The following GRIN3A variants were observed in gnomAD, a reference collection of about 807,000 sequenced individuals.
The protein encoded by GRIN3A is glutamate ionotropic receptor NMDA type subunit 3A.
In GRIN3A, 47 loss-of-function variants were observed where a neutral mutation model predicts 92.4. The ratio of observed to expected loss-of-function variants is 0.51; its 90% CI spans 0.40 to 0.65. The LOEUF (loss-of-function observed/expected upper bound fraction) is 0.65. Among genes scored for constraint, GRIN3A ranks in the 30% least tolerant of loss-of-function variants. The probability of loss-of-function intolerance (pLI) is 0.00; values close to 1 mark genes in which losing one functional copy is unlikely to be tolerated. For missense variants in GRIN3A, 1,324 were observed against 1,393.1 expected, an observed-to-expected ratio of 0.95 and a Z score of 0.79; for synonymous variants, 527 against 540.6, an observed-to-expected ratio of 0.97 and a Z score of 0.35.
At position 101,670,644 on chromosome 9, in the gene GRIN3A, C is replaced by T. The variant is rs1159729481; in HGVS notation, c.1768G>A (p.Asp590Asn). 6.2e-7 allele frequency: 1 copy of T among 1,613,992 alleles called. No individual in the cohort carries two copies. Among genetic ancestry groups the T allele is most frequent in the Non-Finnish European group, 8.5e-7 (1 of 1,179,922 alleles). The change falls in exon 3 of 9, where the codon GAC (aspartate) becomes AAC (asparagine). Residue 590 changes from aspartate (D) to asparagine (N), a missense_variant. By Grantham distance (23) the Asp-to-Asn change is conservative. Coordinates refer to ENST00000361820, the MANE Select transcript of GRIN3A (RefSeq NM_133445.3). The part of the protein sequence containing the change: ...CIDLLEKIAE[D>N]MNFDFDLYIV... ...TAGAGGTCGAAGTCAAAGTTCATGT[C>T]TTCTGCTATCTTTTCCAGCAGATCA... is the stretch of plus-strand genomic sequence containing the variant.
At chr9:101,614,632 T>C (rs1394110607) in intron 5 of GRIN3A, among the ~76,000 whole-genome samples, 1 of 143,092 alleles carries the variant, frequency 7.0e-6, no homozygotes, top group East Asian at 2.0e-4. Context: ...TTTTTTTTTT[T>C]TTTTGGAGAC....
intron 3 of GRIN3A, among the ~76,000 whole-genome samples, chr9:101,632,571 C>T (rs1828729564): frequency 6.6e-6 from 1 of 152,108 alleles, no homozygotes; most frequent in African/African-American, 2.4e-5. Context: ...TATCACACCT[C>T]CTGCTGTCTT....
chr9:101,571,248 A>G lies in GRIN3A; in HGVS notation c.*1926T>C, dbSNP rs1827754963. ...ACCTCTAACTTTAGAGCCCTCCCACATCCATATCAGTATCTCTGAGCCTCC... is the reference window on the plus strand; with the variant it reads ...ACCTCTAACTTTAGAGCCCTCCCACGTCCATATCAGTATCTCTGAGCCTCC... On this transcript the variant is annotated 3_prime_UTR_variant, in exon 9 of 9. Transcript: ENST00000361820. 2 of 152,280 alleles carry G rather than the reference A, an allele frequency of 1.3e-5. No individual in the cohort carries two copies. The highest frequency in any genetic ancestry group is 4.1e-4 in the South Asian group (2 of 4,822). 9.4% of individuals were successfully genotyped at this position (152,280 alleles called of 1,614,324 possible). A position where few individuals can be genotyped will look rare whatever the true frequency, so the allele number is the denominator to read the frequency against.
chr9:101,655,357 T>C (rs1829071437), intron 3 of GRIN3A, among the ~76,000 whole-genome samples: 1 of 151,976 alleles, frequency 6.6e-6, no homozygotes. Context: ...ACCTGCAAGA[T>C]ATTCAGCTCC....
chr9:101,631,454 A>T (rs999203749), intron 3 of GRIN3A, among the ~76,000 whole-genome samples: 1 of 152,182 alleles, frequency 6.6e-6, no homozygotes, highest in Non-Finnish European at 1.5e-5. Flanking sequence ...CATTCTTTAC[A>T]TTATGTTGTG....
chr9:101,574,897 A>T (rs1208023480), intron 8 of GRIN3A, among the ~76,000 whole-genome samples: 2 of 152,196 alleles, frequency 1.3e-5, no homozygotes, highest in African/African-American at 4.8e-5. Flanking sequence ...CAGGCTTCCC[A>T]GTTGACTAGC....
Position 101,577,749 on chromosome 9 carries a change from G to A in GRIN3A, c.3008+19C>T, listed in dbSNP as rs185562974. 1.3e-6 allele frequency: 2 copies of A among 1,551,390 alleles called. No homozygotes were observed. Among genetic ancestry groups the A allele is most frequent in the East Asian group, 2.2e-5 (1 of 44,516 alleles). On this transcript the variant is annotated intron_variant, in intron 8 of 8. Coordinates refer to ENST00000361820, the MANE Select transcript of GRIN3A (RefSeq NM_133445.3). ...TTATTTTACAAATATAAAGACAGTT[G>A]CCATTGGCCCCTTCTTACCTCTTTT...
Position 101,701,904 on chromosome 9 carries a change from C to T in GRIN3A, c.700-14704G>A, listed in dbSNP as rs974011341. On this transcript the variant is annotated intron_variant, in intron 1 of 8. Transcript: ENST00000361820. ...CTCTCTCTATCCTGAGATCTCCCAC[C>T]AGCTTACAGATATTCTTAGTATCAT... Among the ~76,000 whole-genome samples, 4 of 152,188 alleles carry T rather than the reference C, an allele frequency of 2.6e-5. 1 individual carries two copies. In the South Asian group the frequency reaches 8.3e-4, roughly 32 times the overall value.
chr9:101,606,906 A>ATT (rs536780165), intron 6 of GRIN3A, among the ~76,000 whole-genome samples: 2,038 of 86,158 alleles, frequency 0.024, 75 homozygotes, highest in African/African-American at 0.071. Flanking sequence ...AAAAAATTAC[A>ATT]TTTTTTTTTT....
intron 1 of GRIN3A, among the ~76,000 whole-genome samples, chr9:101,708,192 G>A (rs1440293895): frequency 2.0e-5 from 3 of 152,096 alleles, no homozygotes; most frequent in African/African-American, 7.2e-5. Context: ...GTGAATGAAC[G>A]CTAATAGTAG....
In GRIN3A at chr9:101,687,181, A is replaced by G. The variant is rs1829550211; in HGVS notation, c.719T>C (p.Leu240Pro). The G allele has an allele frequency of 6.2e-7, 1 of 1,613,762 alleles. No homozygotes were observed. The highest frequency in any genetic ancestry group is 1.3e-5 in the African/African-American group (1 of 74,940). The change falls in exon 2 of 9, where the codon CTG becomes CCG. Residue 240 changes from leucine (L) to proline (P), a missense_variant. By Grantham distance (98) the Leu-to-Pro change is moderately conservative. Transcript: ENST00000361820. ...RESQNPLHLQ[L>P]SLENSLSSDA... is the part of the protein sequence containing the mutation. Reference sequence around the variant, plus strand: ...AGAACTTAATGAATTTTCTAAACTCAGTTGTAGGTGAAGGGGATTCTGTAT... The same window carrying G: ...AGAACTTAATGAATTTTCTAAACTCGGTTGTAGGTGAAGGGGATTCTGTAT...
rs539112919 is a variant in GRIN3A, at chr9:101,572,315, A to G, written c.*859T>C. 2.6e-5 allele frequency: 4 copies of G among 152,802 alleles called. No individual in the cohort carries two copies. The South Asian group carries it at 8.3e-4, about 32-fold the overall frequency. 9.5% of individuals were successfully genotyped at this position (152,802 alleles called of 1,614,324 possible). A position where few individuals can be genotyped will look rare whatever the true frequency, so the allele number is the denominator to read the frequency against. The stretch of plus-strand genomic sequence containing the variant: ...ATTCCAGGTCCAACCTAAGGCCACA[A>G]CCTTGCTTTGCCTTTTTCTCTCTTT... On this transcript the variant is annotated 3_prime_UTR_variant, in exon 9 of 9. Transcript: ENST00000361820.
Position 101,670,483 on chromosome 9 carries a change from A to G in GRIN3A, c.1929T>C (p.Asp643=). The change falls in exon 3 of 9, where the codon GAT becomes GAC. Residue 643 remains aspartate (D), a synonymous_variant. Transcript: ENST00000361820. ...TGGTGGAGAAGAAAGGGCTGGTGAAATCTATCACCTGGCTCCGTGCAGTAT... is the reference window on the plus strand; with the variant it reads ...TGGTGGAGAAGAAAGGGCTGGTGAAGTCTATCACCTGGCTCCGTGCAGTAT... The part of the protein sequence containing the change: ...SINTARSQVI[D]FTSPFFSTSL... 1 of 1,613,956 alleles carries G rather than the reference A, an allele frequency of 6.2e-7. No homozygotes were observed. Among genetic ancestry groups the G allele is most frequent in the South Asian group, 1.1e-5 (1 of 91,080 alleles).
At chr9:101,624,790 G>T (rs922977694) in intron 4 of GRIN3A, among the ~76,000 whole-genome samples, 2 of 152,156 alleles carry the variant, frequency 1.3e-5, no homozygotes, top group Non-Finnish European at 2.9e-5. Flanking sequence ...GATCCCTGAG[G>T]AATGGCCACA....
At position 101,659,472 on chromosome 9, in the gene GRIN3A, AAAGTAT is replaced by A. The variant is rs1829141245; in HGVS notation, c.2352+10582_2352+10587del. 5.6e-5 allele frequency among the ~76,000 whole-genome samples: 2 copies of A among 35,756 alleles called. 1 individual carries two copies. Among genetic ancestry groups the A allele is most frequent in the Admixed American group, 6.4e-4 (2 of 3,104 alleles). 23.5% of individuals were successfully genotyped at this position (35,756 alleles called of 152,430 possible). A position where few individuals can be genotyped will look rare whatever the true frequency, so the allele number is the denominator to read the frequency against. On this transcript the variant is annotated intron_variant, in intron 3 of 8. Transcript: ENST00000361820. ...TATCTATGTATTTATTTATACATAG[AAAGTAT>A]CTATGTATTTATTTATACATAGAAA...
intron 3 of GRIN3A, among the ~76,000 whole-genome samples, chr9:101,632,231 C>T (rs1046803266): frequency 4.6e-5 from 7 of 152,176 alleles, no homozygotes; most frequent in African/African-American, 1.7e-4. Context: ...TGAGGAAAAC[C>T]TTCACTGACC....
At chr9:101,685,761 A>ACT (rs983374878) in intron 2 of GRIN3A, among the ~76,000 whole-genome samples, 2 of 151,210 alleles carry the variant, frequency 1.3e-5, no homozygotes, top group African/African-American at 2.4e-5. Flanking sequence ...TATATATAAT[A>ACT]CTCTTATGGA....
At chr9:101,732,313 CTGTA>C (rs1830149053) in intron 1 of GRIN3A, among the ~76,000 whole-genome samples, 4 of 152,090 alleles carry the variant, frequency 2.6e-5, no homozygotes, top group Admixed American at 6.5e-5. Flanking sequence ...GGGGTAGACT[CTGTA>C]TGGTCATAAT....
intron 4 of GRIN3A, among the ~76,000 whole-genome samples, chr9:101,624,290 T>C (rs1293353944): frequency 6.6e-6 from 1 of 151,878 alleles, no homozygotes; most frequent in Non-Finnish European, 1.5e-5. Flanking sequence ...TAGTTACATA[T>C]GTATACATGT....
Sources: gnomAD v4.1 joint callset for allele counts (sites outside exome capture counted in the v4.1 genomes callset) on GRCh38, gnomAD v4.1.1 for gene constraint, MANE v1.5 for transcripts, NCBI Gene and HGNC (gene_info 2026-07-23, HGNC 2026-07-21) for gene names.